Variants in CACNA1H observed in about 807,000 individuals in gnomAD.
CACNA1H encodes the protein voltage-dependent T-type calcium channel subunit alpha-1H.
CACNA1H carries 149 observed loss-of-function variants against 192.5 expected under a neutral mutation model. The ratio of observed to expected loss-of-function variants is 0.77; its 90% CI spans 0.68 to 0.89. The LOEUF (loss-of-function observed/expected upper bound fraction) is 0.89, where lower values mean the gene tolerates loss of function less well. Among genes scored for constraint, CACNA1H ranks in the 40% least tolerant of loss-of-function variants. The probability of loss-of-function intolerance (pLI) is 0.00; values close to 1 mark genes in which losing one functional copy is unlikely to be tolerated. For synonymous variants in CACNA1H, 2,202 were observed against 1,475.2 expected, an observed-to-expected ratio of 1.49 and a Z score of -11.29; for missense variants, 4,257 against 3,423.5, an observed-to-expected ratio of 1.24 and a Z score of -6.08.
intron 2 of CACNA1H, among the ~76,000 whole-genome samples, chr16:1,183,052 C>A (rs367558565): frequency 6.7e-6 from 1 of 149,436 alleles, no homozygotes; most frequent in African/African-American, 2.5e-5. Flanking sequence ...CCACCACCCC[C>A]GCCCCCACCC....
Position 1,212,067 on chromosome 16 carries a change from A to G in CACNA1H, c.4688A>G (p.Gln1563Arg), listed in dbSNP as rs748978718. The G allele has an allele frequency of 1.2e-6, 2 of 1,613,046 alleles. No individual in the cohort carries two copies. Among genetic ancestry groups the G allele is most frequent in the Admixed American group, 1.7e-5 (1 of 60,022 alleles). ...VVVENFHKCR[Q>R]HQEAEEARRR... is the part of the protein sequence containing the mutation. Reference sequence around the variant, plus strand: ...GTCGAGAACTTCCACAAGTGCCGGCAGCACCAGGAGGCGGAGGAGGCGCGG... The same window carrying G: ...GTCGAGAACTTCCACAAGTGCCGGCGGCACCAGGAGGCGGAGGAGGCGCGG... Residue 1563 changes from glutamine to arginine, a missense_variant, in exon 25 of 35, where the codon CAG (glutamine) becomes CGG (arginine). Coordinates refer to ENST00000348261, the MANE Select transcript of CACNA1H (RefSeq NM_021098.3).
At position 1,198,791 on chromosome 16, in the gene CACNA1H, C is replaced by G; in HGVS notation, c.803+17C>G. Reference sequence around the variant, plus strand: ...CTTTGTCAGGTGCCCAGGCCCCACCCCCGTGAGGCCCCTGCCCAGATGGCC... The same window carrying G: ...CTTTGTCAGGTGCCCAGGCCCCACCGCCGTGAGGCCCCTGCCCAGATGGCC... On this transcript the variant is annotated intron_variant, in intron 6 of 34. Coordinates refer to ENST00000348261, the MANE Select transcript of CACNA1H (RefSeq NM_021098.3). 1 of 1,599,764 alleles carries G rather than the reference C, an allele frequency of 6.3e-7. No individual in the cohort carries two copies. The highest frequency in any genetic ancestry group is 1.1e-5 in the South Asian group (1 of 90,486).
In CACNA1H at chr16:1,180,052, A is replaced by G. The variant is rs1231551534; in HGVS notation, c.300-14920A>G. 2.0e-5 allele frequency among the ~76,000 whole-genome samples: 3 copies of G among 152,118 alleles called. No individual in the cohort carries two copies. Among genetic ancestry groups the G allele is most frequent in the Non-Finnish European group, 4.4e-5 (3 of 68,008 alleles). On this transcript the variant is annotated intron_variant, in intron 2 of 34. Coordinates refer to ENST00000348261, the MANE Select transcript of CACNA1H (RefSeq NM_021098.3). This position sits in a 1 kb window ranked among gnomAD's most constrained non-coding sequence, Gnocchi z 4.4. ...GCCCGGCCCGGCCTTGTTTTTTAAT[A>G]TACATCTGGTTGCCGGGTGATACTG...
chr16:1,215,737 G>C, intron 30 of CACNA1H, 144 bp downstream of exon 30: 1 of 696,102 alleles, frequency 1.4e-6, no homozygotes, highest in Non-Finnish European at 2.4e-6. Context: ...GCTGTGTGCA[G>C]TGCATGGCTT....
At chr16:1,202,553 T>G in intron 9 of CACNA1H, 101 bp downstream of exon 9, 1 of 1,053,568 alleles carries the variant, frequency 9.5e-7, no homozygotes. Context: ...GGCACTCTGA[T>G]GAGCCCAGCT....
At chr16:1,193,285 G>C (rs1329146701) in intron 2 of CACNA1H, among the ~76,000 whole-genome samples, 1 of 152,254 alleles carries the variant, frequency 6.6e-6, no homozygotes, top group Non-Finnish European at 1.5e-5. Flanking sequence ...GGACAAAGGT[G>C]CCCGAGGCTG....
At position 1,199,059 on chromosome 16, in the gene CACNA1H, C is replaced by T. The variant is rs1297062499; in HGVS notation, c.803+285C>T. 11 of 287,656 alleles carry T rather than the reference C, an allele frequency of 3.8e-5. No homozygotes were observed. The East Asian group carries it at 5.8e-4, about 15-fold the overall frequency. The allele number at this position is 287,656 out of a possible 1,614,324, so 17.8% of individuals were successfully genotyped here. On this transcript the variant is annotated intron_variant, in intron 6 of 34. Transcript: ENST00000348261. ...ACCATGGCTCCGCCCACCGCGCAGTCGCTGCACATATGCCCCACCCCCCAC... is the reference window on the plus strand; with the variant it reads ...ACCATGGCTCCGCCCACCGCGCAGTTGCTGCACATATGCCCCACCCCCCAC...
rs765457704 is a variant in CACNA1H, at chr16:1,219,007, C to T, written c.5925C>T (p.Ser1975=). The T allele has an allele frequency of 3.9e-6, 6 of 1,550,200 alleles. No individual in the cohort carries two copies. The highest frequency in any genetic ancestry group is 2.7e-5 in the African/African-American group (2 of 73,030). ...VASVHSPPAE[S]CASLQIPLAV... is the part of the protein sequence containing the mutation. ...CTGTGCACTCTCCGCCCGCAGAGTCCTGTGCCTCCCTCCAGATCCCATTGG... is the reference window on the plus strand; with the variant it reads ...CTGTGCACTCTCCGCCCGCAGAGTCTTGTGCCTCCCTCCAGATCCCATTGG... The change falls in exon 34 of 35, where the codon TCC becomes TCT. Residue 1975 remains serine, a synonymous_variant. Coordinates refer to ENST00000348261, the MANE Select transcript of CACNA1H (RefSeq NM_021098.3).
intron 17 of CACNA1H, 23 bp downstream of exon 17, chr16:1,209,435 A>G (rs922473717): frequency 1.9e-6 from 3 of 1,590,232 alleles, no homozygotes; most frequent in Non-Finnish European, 2.6e-6. Context: ...CCCTGGGCCC[A>G]CCGCCGACTC....
rs1961891706 is a variant in CACNA1H at position 1,153,741 on chromosome 16, A to G, written c.4A>G (p.Thr2Ala). 3 of 1,207,898 alleles carry G rather than the reference A, an allele frequency of 2.5e-6. No individual in the cohort carries two copies. Among genetic ancestry groups the G allele is most frequent in the Non-Finnish European group, 3.1e-6 (3 of 973,128 alleles). 74.8% of individuals were successfully genotyped at this position (1,207,898 alleles called of 1,614,324 possible). A position where few individuals can be genotyped will look rare whatever the true frequency, so the allele number is the denominator to read the frequency against. The change falls in exon 2 of 35, where the codon ACC (threonine) becomes GCC (alanine). Residue 2 changes from threonine (T) to alanine (A), a missense_variant. Transcript: ENST00000348261. The stretch of plus-strand genomic sequence containing the variant: ...GCAGGTGCTGCCGGCCGCCACCATG[A>G]CCGAGGGCGCACGGGCCGCCGACGA... MTEGARAADEVR... is the reference protein window; with the variant it reads MAEGARAADEVR...
intron 30 of CACNA1H, among the ~76,000 whole-genome samples, chr16:1,216,153 G>A (rs988985487): frequency 2.6e-5 from 4 of 151,916 alleles, no homozygotes; most frequent in Non-Finnish European, 4.4e-5. Context: ...CAACCCCCAC[G>A]GCTGCCTATG....
At chr16:1,194,549 C>T (rs1966843883) in intron 2 of CACNA1H, among the ~76,000 whole-genome samples, 1 of 152,198 alleles carries the variant, frequency 6.6e-6, no homozygotes, top group African/African-American at 2.4e-5. Flanking sequence ...CCCTGGGGCC[C>T]TCCCAGTTGC....
At chr16:1,164,894 G>A (rs547579233) in intron 2 of CACNA1H, among the ~76,000 whole-genome samples, 1 of 152,316 alleles carries the variant, frequency 6.6e-6, no homozygotes, top group East Asian at 1.9e-4. Context: ...TTTTGGGGGT[G>A]GGTCGAGTCG....
intron 5 of CACNA1H, among the ~76,000 whole-genome samples, chr16:1,196,400 C>T (rs1966978153): frequency 6.6e-6 from 1 of 152,190 alleles, no homozygotes; most frequent in South Asian, 2.1e-4. Context: ...GTGGTGGAGA[C>T]ACTCTTGTGG....
chr16:1,211,568 T>C lies in CACNA1H; in HGVS notation c.4438T>C (p.Trp1480Arg). 1 of 1,611,308 alleles carries C rather than the reference T, an allele frequency of 6.2e-7. No homozygotes were observed. The highest frequency in any genetic ancestry group is 8.5e-7 in the Non-Finnish European group (1 of 1,179,264). Residue 1480 changes from tryptophan (W) to arginine (R), a missense_variant, in exon 23 of 35, where the codon TGG becomes CGG. By Grantham distance (101) the Trp-to-Arg change is moderately radical (BLOSUM62 -3). Transcript: ENST00000348261. ...KAQCRAAHYR[W>R]VRRKYNFDNL... ...ACAGTGCCGGGCCGCCCACTACCGC[T>C]GGGTGCGACGCAAGTACAACTTCGA...
At chr16:1,172,426 C>T (rs987439971) in intron 2 of CACNA1H, among the ~76,000 whole-genome samples, 4 of 152,212 alleles carry the variant, frequency 2.6e-5, no homozygotes, top group Admixed American at 6.5e-5. Flanking sequence ...GGTGGCAGCG[C>T]GGCTGCCCTC....
chr16:1,201,516 C>T (rs1175344727), intron 8 of CACNA1H, 147 bp from the exon 9 acceptor site: 3 of 976,536 alleles, frequency 3.1e-6, no homozygotes, highest in Non-Finnish European at 4.5e-6. Context: ...CAGCACTGAA[C>T]ACCGCAGCAG....
intron 3 of CACNA1H, 71 bp downstream of exon 3, chr16:1,195,154 G>A (rs1348365008): frequency 4.6e-6 from 5 of 1,080,914 alleles, no homozygotes; most frequent in Non-Finnish European, 5.5e-6. Flanking sequence ...GGCGGAGTGG[G>A]GCGGGGGCGG....
At chr16:1,172,753 C>T (rs1025243529) in intron 2 of CACNA1H, among the ~76,000 whole-genome samples, 2 of 152,002 alleles carry the variant, frequency 1.3e-5, no homozygotes, top group Non-Finnish European at 2.9e-5. Flanking sequence ...CCCCGGGGCA[C>T]CCAGGGGCGG....
Sources: gnomAD v4.1 joint callset for allele counts (sites outside exome capture counted in the v4.1 genomes callset) on GRCh38, gnomAD v4.1.1 for gene constraint, Gnocchi (gnomAD v3.1) non-coding constraint, MANE v1.5 for transcripts, NCBI Gene and HGNC (gene_info 2026-07-23, HGNC 2026-07-21) for gene names.